Variants in COL6A2 observed in about 807,000 individuals in gnomAD.
COL6A2 encodes collagen alpha-2(VI) chain.
Under a neutral mutation model 124.9 loss-of-function variants are expected in COL6A2, and 90 were observed. The observed-to-expected ratio is 0.72, with a 90% CI of 0.61 to 0.86. The LOEUF (loss-of-function observed/expected upper bound fraction) is 0.86. Among genes scored for constraint, COL6A2 ranks in the 40% least tolerant of loss-of-function variants. COL6A2 has a pLI of 0.00. For synonymous variants in COL6A2, 793 were observed against 618.2 expected (o/e 1.28, Z -4.19); for missense variants, 1,607 against 1,502.5 (o/e 1.07, Z -1.15).
Position 46,129,208 on chromosome 21 carries a change from C to G in COL6A2, c.2461+2667C>G, listed in dbSNP as rs147420235. The stretch of plus-strand genomic sequence containing the variant: ...CGCTCCCTTGCAGATGCACCGTGGC[C>G]TGGCGGCGAGCCCCCGGTCACCTTC... On this transcript the variant is annotated intron_variant, in intron 27 of 27. Transcript: ENST00000300527. 62 of 1,612,916 alleles carry G rather than the reference C, an allele frequency of 3.8e-5. No homozygotes were observed. The African/African-American group carries it at 8.1e-4, about 21-fold the overall frequency.
chr21:46,121,498 C>T, intron 17 of COL6A2, 58 bp from the exon 18 acceptor site: 3 of 1,550,850 alleles, frequency 1.9e-6, no homozygotes, highest in Non-Finnish European at 2.7e-6. Context: ...GTCAGGTGAC[C>T]CCTGGGCATG....
At position 46,132,505 on chromosome 21, in the gene COL6A2, C is replaced by T. The variant is rs2123456173; in HGVS notation, c.3013C>T (p.Leu1005=). 1.2e-6 allele frequency: 2 copies of T among 1,607,446 alleles called. No homozygotes were observed. Among genetic ancestry groups the T allele is most frequent in the South Asian group, 1.1e-5 (1 of 91,004 alleles). Residue 1005 remains leucine, a synonymous_variant, in exon 28 of 28, where the codon CTG becomes TTG. Transcript: ENST00000300527. ...AVFHEKDYDS[L]AQPGFFDRFI... ...GTTCCACGAGAAGGACTATGACAGC[C>T]TGGCGCAACCCGGCTTCTTCGACCG...
intron 1 of COL6A2, among the ~76,000 whole-genome samples, chr21:46,101,978 C>A (rs956555525): frequency 4.8e-5 from 7 of 145,158 alleles, no homozygotes; most frequent in Middle Eastern, 4.0e-3. Flanking sequence ...TTACATTAAA[C>A]CTCTAGATCA....
At chr21:46,122,307 G>C in intron 19 of COL6A2, 149 bp downstream of exon 19, 1 of 1,211,328 alleles carries the variant, frequency 8.3e-7, no homozygotes, top group East Asian at 2.5e-5. Flanking sequence ...AGAAGGCTTC[G>C]GGTGACTCAG....
Position 46,116,733 on chromosome 21 carries a change from C to G in COL6A2, c.955-37C>G. The G allele has an allele frequency of 6.2e-7, 1 of 1,613,000 alleles. No homozygotes were observed. Among genetic ancestry groups the G allele is most frequent in the Non-Finnish European group, 8.5e-7 (1 of 1,179,972 alleles). On this transcript the variant is annotated intron_variant, in intron 9 of 27. Coordinates refer to ENST00000300527, the MANE Select transcript of COL6A2 (RefSeq NM_001849.4). The surrounding 1 kb of genome is among the most constrained non-coding windows in gnomAD (Gnocchi z 4.6). ...TTCCTGCTGCTCAGGGCAGAAGGAC[C>G]GGGGCTAATGGAGTTCCCTCTTCCT... is the stretch of plus-strand genomic sequence containing the variant.
At chr21:46,111,309 G>A in intron 1 of COL6A2, 141 bp from the exon 2 acceptor site, 1 of 607,564 alleles carries the variant, frequency 1.6e-6, no homozygotes. Flanking sequence ...GACGGTGTGT[G>A]CTGGGCGCAG....
Position 46,122,589 on chromosome 21 carries a change from TGCTGG to T in COL6A2, c.1608+60_1608+64del. ...CAGGGTGGGGGTCTGCACGCCCAAT[TGCTGG>T]GAACACAATGCCCACCGTCACTGAC... On this transcript the variant is annotated intron_variant, in intron 20 of 27. Transcript: ENST00000300527. The T allele has an allele frequency of 2.5e-6, 4 of 1,575,028 alleles. No homozygotes were observed. The South Asian group carries it at 4.4e-5, about 17-fold the overall frequency.
intron 16 of COL6A2, 105 bp from the exon 17 acceptor site, chr21:46,120,956 C>T (rs1601236874): frequency 9.1e-7 from 1 of 1,100,696 alleles, no homozygotes. Flanking sequence ...CGGGGCCAGA[C>T]CCGTCTTACC....
chr21:46,106,522 A>G (rs1446078470), intron 1 of COL6A2, among the ~76,000 whole-genome samples: 1 of 152,148 alleles, frequency 6.6e-6, no homozygotes, highest in Non-Finnish European at 1.5e-5. Context: ...CTGGTACACA[A>G]TTATTATAGA....
chr21:46,120,613 G>A, intron 16 of COL6A2, 36 bp downstream of exon 16: 1 of 1,441,752 alleles, frequency 6.9e-7, no homozygotes, highest in Non-Finnish European at 9.1e-7. Context: ...CCAAGGTAGG[G>A]GATCTGAGGG....
chr21:46,126,934 G>T (rs1456380974), intron 27 of COL6A2, among the ~76,000 whole-genome samples: 1 of 152,114 alleles, frequency 6.6e-6, no homozygotes, highest in Non-Finnish European at 1.5e-5. Flanking sequence ...ACCATCCCGG[G>T]GTGGAAGCAC....
chr21:46,125,010 G>C, intron 23 of COL6A2, 90 bp downstream of exon 23: 2 of 1,493,156 alleles, frequency 1.3e-6, no homozygotes, highest in Non-Finnish European at 1.9e-6. Context: ...CAGCTGGCAC[G>C]GTCAGAGAGC....
chr21:46,108,021 T>A (rs1359350804), intron 1 of COL6A2, among the ~76,000 whole-genome samples: 1 of 152,058 alleles, frequency 6.6e-6, no homozygotes, highest in Non-Finnish European at 1.5e-5. Flanking sequence ...GATATATTTT[T>A]CTAAGTGGCT....
At chr21:46,121,698 G>T in intron 18 of COL6A2, 80 bp downstream of exon 18, 1 of 1,429,214 alleles carries the variant, frequency 7.0e-7, no homozygotes, top group Non-Finnish European at 9.8e-7. Context: ...CCGGCCTGGG[G>T]GACCCTGTTG....
chr21:46,128,914 G>A, intron 27 of COL6A2: 1 of 1,612,962 alleles, frequency 6.2e-7, no homozygotes, highest in Non-Finnish European at 8.5e-7. Flanking sequence ...TTTGGACGGA[G>A]CTGTTTTGTG....
In COL6A2 at chr21:46,122,481, C is replaced by T; in HGVS notation, c.1573-15C>T. The T allele has an allele frequency of 1.2e-6, 2 of 1,612,856 alleles. No individual in the cohort carries two copies. The highest frequency in any genetic ancestry group is 1.1e-5 in the South Asian group (1 of 91,074). Reference sequence around the variant, plus strand: ...ATCTGAGGCTGAGTCACCCTGGCTTCTGTTTGCTTCACAGGGAGAAAAAGG... The same window carrying T: ...ATCTGAGGCTGAGTCACCCTGGCTTTTGTTTGCTTCACAGGGAGAAAAAGG... On this transcript the variant is annotated splice_polypyrimidine_tract_variant and intron_variant, in intron 19 of 27. Transcript: ENST00000300527.
chr21:46,122,146 C>T lies in COL6A2; in HGVS notation c.1560C>T (p.Pro520=), dbSNP rs112197239. 2 of 1,612,688 alleles carry T rather than the reference C, an allele frequency of 1.2e-6. No homozygotes were observed. Among genetic ancestry groups the T allele is most frequent in the Non-Finnish European group, 1.7e-6 (2 of 1,179,960 alleles). ...GGCCTGGATTCAGCTACCCAGGACC[C>T]CGAGGAGCACCCGTGAGTCACAGCC... ...PGRPGFSYPG[P]RGAPGEKGEP... is the part of the protein sequence containing the mutation. Residue 520 remains proline (P), a synonymous_variant, in exon 19 of 28, where the codon CCC becomes CCT. Transcript: ENST00000300527.
intron 27 of COL6A2, 56 bp from the exon 28 acceptor site, chr21:46,131,898 C>T: frequency 2.0e-6 from 3 of 1,492,336 alleles, no homozygotes; most frequent in South Asian, 1.2e-5. Flanking sequence ...GGGCTGGCAC[C>T]TGCCCGGTCC....
At chr21:46,114,668 T>A (rs911209501) in intron 5 of COL6A2, among the ~76,000 whole-genome samples, 1 of 152,350 alleles carries the variant, frequency 6.6e-6, no homozygotes, top group Admixed American at 6.5e-5. Context: ...CTCATTAATA[T>A]GAAGGAACCT....
Sources: gnomAD v4.1 joint callset for allele counts (sites outside exome capture counted in the v4.1 genomes callset) on GRCh38, gnomAD v4.1.1 for gene constraint, Gnocchi (gnomAD v3.1) non-coding constraint, MANE v1.5 for transcripts, NCBI Gene and HGNC (gene_info 2026-07-23, HGNC 2026-07-21) for gene names.